The following CPXM2 variants were observed in gnomAD, a reference collection of about 807,000 sequenced individuals.
The protein encoded by CPXM2 is inactive carboxypeptidase-like protein X2.
Under a neutral mutation model 86.1 loss-of-function variants are expected in CPXM2, and 66 were observed. The observed-to-expected ratio is 0.77, with a 90% CI of 0.63 to 0.94. The LOEUF is 0.94. Among genes scored for constraint, CPXM2 ranks in the 40% least tolerant of loss-of-function variants. The pLI is 0.00. For synonymous variants in CPXM2, 388 were observed against 400.2 expected (o/e 0.97, Z 0.36); for missense variants, 948 against 1,026.3 (o/e 0.92, Z 1.04).
At chr10:123,875,859 C>T (rs1179697606) in intron 2 of CPXM2, among the ~76,000 whole-genome samples, 1 of 141,356 alleles carries the variant, frequency 7.1e-6, no homozygotes, top group Non-Finnish European at 1.5e-5. Context: ...CTCTGTCACC[C>T]AGGCTGGAGT....
chr10:123,936,332 C>A (rs1180805569), intron 2 of CPXM2, among the ~76,000 whole-genome samples: 2 of 152,150 alleles, frequency 1.3e-5, no homozygotes, highest in African/African-American at 4.8e-5. Flanking sequence ...TCCCCAAAAT[C>A]AATCAGTAAT....
At chr10:123,908,610 G>C (rs955032834) in intron 2 of CPXM2, among the ~76,000 whole-genome samples, 3 of 152,132 alleles carry the variant, frequency 2.0e-5, no homozygotes, top group Non-Finnish European at 4.4e-5. Flanking sequence ...CAGGTGTGGG[G>C]AGAGGGGCCA....
At chr10:123,852,734 C>T (rs1217628909) in intron 3 of CPXM2, among the ~76,000 whole-genome samples, 3 of 152,124 alleles carry the variant, frequency 2.0e-5, no homozygotes, top group African/African-American at 4.8e-5. Flanking sequence ...GCATGCTATA[C>T]CTGACCTTTG....
intron 2 of CPXM2, among the ~76,000 whole-genome samples, chr10:123,936,719 C>A (rs1225311661): frequency 6.6e-6 from 1 of 152,164 alleles, no homozygotes; most frequent in Non-Finnish European, 1.5e-5. Context: ...GCGGCACTTT[C>A]CTCTCCACTC....
intron 2 of CPXM2, among the ~76,000 whole-genome samples, chr10:123,897,787 A>G (rs1945349472): frequency 6.6e-6 from 1 of 152,382 alleles, no homozygotes; most frequent in Admixed American, 6.5e-5. Flanking sequence ...TCAGCGTGAG[A>G]AGCCAAGAAG....
chr10:123,853,379 C>T (rs376584934), intron 3 of CPXM2, among the ~76,000 whole-genome samples: 1 of 152,214 alleles, frequency 6.6e-6, no homozygotes, highest in African/African-American at 2.4e-5. Context: ...CGCACTAGAA[C>T]ACAAGCTTCA....
chr10:123,857,225 T>TG (rs1792490341), intron 3 of CPXM2, among the ~76,000 whole-genome samples: 1 of 152,024 alleles, frequency 6.6e-6, no homozygotes, highest in Non-Finnish European at 1.5e-5. Flanking sequence ...AAATTCTACT[T>TG]GAAAAAAAGG....
intron 4 of CPXM2, among the ~76,000 whole-genome samples, chr10:123,836,014 T>C (rs954682769): frequency 2.0e-5 from 3 of 152,116 alleles, no homozygotes; most frequent in African/African-American, 4.8e-5. Flanking sequence ...TGCTTCTGTA[T>C]TTGCCTCTGC....
upstream of CPXM2, among the ~76,000 whole-genome samples, chr10:123,943,484 G>A (rs982433207): frequency 6.6e-6 from 1 of 152,212 alleles, no homozygotes; most frequent in Non-Finnish European, 1.5e-5. Flanking sequence ...CAGCCGTGCA[G>A]GGTTTGGGTG....
At chr10:123,752,831 A>T (rs1286191817) in intron 13 of CPXM2, among the ~76,000 whole-genome samples, 2 of 152,224 alleles carry the variant, frequency 1.3e-5, no homozygotes, top group Non-Finnish European at 2.9e-5. Context: ...TCCACTGCTC[A>T]GAAGTGGCCA....
upstream of CPXM2, among the ~76,000 whole-genome samples, chr10:123,894,439 G>C (rs1249253850): frequency 6.6e-6 from 1 of 152,168 alleles, no homozygotes; most frequent in Non-Finnish European, 1.5e-5. Context: ...AATAGAACAA[G>C]AATCGATTGC....
chr10:123,765,769 C>T (rs958158), intron 10 of CPXM2, among the ~76,000 whole-genome samples: 41,160 of 152,026 alleles, frequency 0.27, 6,296 homozygotes, highest in African/African-American at 0.42. Flanking sequence ...TGGATGACCC[C>T]GTACTGTGAG....
At position 123,761,900 on chromosome 10, in the gene CPXM2, A is replaced by G. The variant is rs776432314; in HGVS notation, c.1749T>C (p.Asn583=). Residue 583 remains asparagine (N), a synonymous_variant, in exon 11 of 14, where the codon AAT becomes AAC. Coordinates refer to ENST00000241305, the MANE Select transcript of CPXM2 (RefSeq NM_198148.3). ...CAGCGACGGTGTGCCAGGAGGCCCC[A>G]TTGACAGTGCCCTCCTCCTTCTGGA... ...EDFQKEEGTV[N]GASWHTVAGS... is the part of the protein sequence containing the mutation. The G allele has an allele frequency of 1.9e-6, 3 of 1,613,752 alleles. No individual in the cohort carries two copies. The South Asian group carries it at 3.3e-5, about 18-fold the overall frequency.
upstream of CPXM2, chr10:123,891,930 C>T (rs1196882670): frequency 6.6e-6 from 1 of 152,078 alleles, no homozygotes; most frequent in Admixed American, 6.5e-5. This position sits in a 1 kb window ranked among gnomAD's most constrained non-coding sequence, Gnocchi z 5.6. Context: ...GCGACCCCTC[C>T]GAGGCCGGTC....
chr10:123,867,564 A>C (rs1944815645), intron 2 of CPXM2, among the ~76,000 whole-genome samples: 1 of 107,920 alleles, frequency 9.3e-6, no homozygotes. Flanking sequence ...AAGGAGTTTC[A>C]CTCTTGTCAC....
chr10:123,853,370 G>A (rs561883766), intron 3 of CPXM2, among the ~76,000 whole-genome samples: 3 of 152,274 alleles, frequency 2.0e-5, no homozygotes, highest in South Asian at 2.1e-4. Flanking sequence ...TTTGCCTCCC[G>A]CACTAGAACA....
intron 1 of CPXM2, among the ~76,000 whole-genome samples, chr10:123,883,171 C>T (rs1309832947): frequency 2.6e-5 from 4 of 152,210 alleles, no homozygotes; most frequent in Non-Finnish European, 1.5e-5. Context: ...AGGCGAAGGT[C>T]CTACTACACT....
chr10:123,894,137 C>T (rs1014079925), upstream of CPXM2, among the ~76,000 whole-genome samples: 5 of 152,244 alleles, frequency 3.3e-5, no homozygotes, highest in Non-Finnish European at 5.9e-5. Flanking sequence ...CCAGGACTAA[C>T]CCTGCTCTGC....
At chr10:123,881,260 T>C (rs7072691) in intron 1 of CPXM2, among the ~76,000 whole-genome samples, 12,432 of 40,676 alleles carry the variant, frequency 0.31, 4,213 homozygotes, top group African/African-American at 0.55. Context: ...TCCCTTCCCT[T>C]CCCTTTACGC....
Sources: allele counts gnomAD v4.1 joint callset (sites outside exome capture counted in the v4.1 genomes callset), GRCh38; gene constraint gnomAD v4.1.1; non-coding constraint Gnocchi (gnomAD v3.1); transcripts MANE v1.5; gene names NCBI Gene and HGNC (gene_info 2026-07-23, HGNC 2026-07-21).